FCHSD2: variants seen among roughly 807,000 people sequenced by gnomAD.
FCHSD2 encodes FCH and double SH3 domains 2.
In FCHSD2, 38 loss-of-function variants were observed where a neutral mutation model predicts 108.1. The ratio of observed to expected loss-of-function variants is 0.35; its 90% CI spans 0.27 to 0.46. The LOEUF (loss-of-function observed/expected upper bound fraction) is 0.46, where lower values mean the gene tolerates loss of function less well. FCHSD2 is among the 20% of genes least tolerant of loss of function. The probability of loss-of-function intolerance (pLI) is 1.00; values close to 1 mark genes in which losing one functional copy is unlikely to be tolerated. For missense variants in FCHSD2, 751 were observed against 897.8 expected, an observed-to-expected ratio of 0.84 and a Z score of 2.09; for synonymous variants, 279 against 314.7, an observed-to-expected ratio of 0.89 and a Z score of 1.20.
intron 10 of FCHSD2, among the ~76,000 whole-genome samples, chr11:72,892,184 T>C (rs756819857): frequency 2.0e-5 from 3 of 152,230 alleles, no homozygotes; most frequent in Non-Finnish European, 2.9e-5. Flanking sequence ...TGGCTGCAGA[T>C]GGGCCATAAC....
rs186851236 is a variant in FCHSD2, at chr11:72,847,818, T to C, written c.1443+1937A>G. Among the ~76,000 whole-genome samples the C allele has an allele frequency of 7.0e-4, 105 of 150,468 alleles. 1 individual carries two copies. The highest frequency in any genetic ancestry group is 2.4e-3 in the African/African-American group (99 of 41,040). Reference sequence around the variant, plus strand: ...AGTGATTCTCCTGCCTCAGCCTCCCTAGTAGCTGAGATTACAGGCGCCCGC... The same window carrying C: ...AGTGATTCTCCTGCCTCAGCCTCCCCAGTAGCTGAGATTACAGGCGCCCGC... On this transcript the variant is annotated intron_variant, in intron 14 of 19. Transcript: ENST00000409418.
At chr11:73,115,550 T>C (rs894424484) in intron 2 of FCHSD2, among the ~76,000 whole-genome samples, 1 of 152,150 alleles carries the variant, frequency 6.6e-6, no homozygotes, top group Non-Finnish European at 1.5e-5. Context: ...GGAGGGTGCA[T>C]GCATCAAGGT....
intron 13 of FCHSD2, among the ~76,000 whole-genome samples, chr11:72,861,316 T>TTAAAAGAGAC (rs1221996703): frequency 6.6e-6 from 1 of 151,632 alleles, no homozygotes; most frequent in Non-Finnish European, 1.5e-5. Context: ...AAGAGACAAC[T>TTAAAAGAGAC]TACCAAAGTT....
At chr11:73,036,841 CTG>C (rs1019520679) in intron 3 of FCHSD2, among the ~76,000 whole-genome samples, 7 of 152,138 alleles carry the variant, frequency 4.6e-5, no homozygotes, top group African/African-American at 1.7e-4. Context: ...ATTTTAAAAA[CTG>C]AGTACAATTT....
chr11:73,012,655 A>G (rs1857886959), intron 4 of FCHSD2, among the ~76,000 whole-genome samples: 1 of 152,094 alleles, frequency 6.6e-6, no homozygotes. Flanking sequence ...CAATAGCACC[A>G]CCATCCTCTC....
intron 8 of FCHSD2, among the ~76,000 whole-genome samples, chr11:72,943,458 C>T (rs1856460287): frequency 6.6e-6 from 1 of 152,108 alleles, no homozygotes; most frequent in Admixed American, 6.6e-5. Context: ...AGGAAAAAGA[C>T]AGCACAGAAC....
chr11:72,880,926 C>T (rs1264474999), intron 12 of FCHSD2, among the ~76,000 whole-genome samples: 3 of 149,476 alleles, frequency 2.0e-5, no homozygotes, highest in Non-Finnish European at 3.0e-5. Context: ...CACTATAGAA[C>T]TAGTACAAGA....
chr11:72,871,048 TC>T (rs1158916359), intron 12 of FCHSD2, among the ~76,000 whole-genome samples: 1 of 152,162 alleles, frequency 6.6e-6, no homozygotes, highest in East Asian at 1.9e-4. Context: ...AATAAAAAGT[TC>T]CTATTCTCCA....
rs138979720 is a variant in FCHSD2 at position 73,061,124 on chromosome 11, T to C, written c.165+22571A>G. On this transcript the variant is annotated intron_variant, in intron 3 of 19. Coordinates refer to ENST00000409418, the MANE Select transcript of FCHSD2 (RefSeq NM_014824.3). ...CAACTGAGGTACCTGGTTCATCTCA[T>C]TGGGACTGGTTGGACAGTGGGTGCA... 1.6e-4 allele frequency among the ~76,000 whole-genome samples: 25 copies of C among 152,224 alleles called. No individual in the cohort carries two copies. In the East Asian group the frequency reaches 3.1e-3, roughly 19 times the overall value.
At chr11:73,034,919 TA>T (rs1158649986) in intron 3 of FCHSD2, among the ~76,000 whole-genome samples, 1 of 152,136 alleles carries the variant, frequency 6.6e-6, no homozygotes, top group Non-Finnish European at 1.5e-5. Flanking sequence ...GTAGTACCTT[TA>T]AAAAGGTCAC....
intron 3 of FCHSD2, among the ~76,000 whole-genome samples, chr11:73,054,934 C>G (rs1156938362): frequency 2.0e-5 from 3 of 152,136 alleles, no homozygotes; most frequent in Non-Finnish European, 4.4e-5. Flanking sequence ...TTAGTCCATT[C>G]TCACGCTGCT....
rs911517304 is a variant in FCHSD2 at position 73,082,454 on chromosome 11, T to C, written c.165+1241A>G. ...ACAATAAGCACTCAACAACTACTGA[T>C]TGAACCAATGAATTAATTAGTTCTG... is the stretch of plus-strand genomic sequence containing the variant. On this transcript the variant is annotated intron_variant, in intron 3 of 19. Coordinates refer to ENST00000409418, the MANE Select transcript of FCHSD2 (RefSeq NM_014824.3). 9.2e-5 allele frequency among the ~76,000 whole-genome samples: 14 copies of C among 151,930 alleles called. No homozygotes were observed. In the East Asian group the frequency reaches 1.7e-3, roughly 19 times the overall value.
At chr11:72,937,631 C>G (rs1309233171) in intron 8 of FCHSD2, among the ~76,000 whole-genome samples, 2 of 152,190 alleles carry the variant, frequency 1.3e-5, no homozygotes, top group East Asian at 3.8e-4. Flanking sequence ...GCGTGAGCCA[C>G]CGCGCCTGGC....
chr11:72,925,970 G>A (rs1856067462), intron 8 of FCHSD2, among the ~76,000 whole-genome samples: 1 of 152,216 alleles, frequency 6.6e-6, no homozygotes, highest in African/African-American at 2.4e-5. Flanking sequence ...AAGCCTCCCT[G>A]TGCTCCTGGG....
At chr11:73,088,501 GA>G (rs1295213088) in intron 2 of FCHSD2, among the ~76,000 whole-genome samples, 1 of 151,966 alleles carries the variant, frequency 6.6e-6, no homozygotes, top group East Asian at 1.9e-4. Context: ...AAATAGTAAT[GA>G]AAGTTTTCTC....
chr11:72,935,671 C>A (rs1278115397), intron 8 of FCHSD2, among the ~76,000 whole-genome samples: 1 of 152,138 alleles, frequency 6.6e-6, no homozygotes, highest in Non-Finnish European at 1.5e-5. Context: ...ATTTACATTA[C>A]TGTAAATATC....
intron 2 of FCHSD2, among the ~76,000 whole-genome samples, chr11:73,113,551 T>C (rs1201588929): frequency 1.3e-5 from 2 of 152,018 alleles, no homozygotes; most frequent in Non-Finnish European, 2.9e-5. Flanking sequence ...CTATTTTTAG[T>C]AGAAACGGGG....
chr11:73,111,632 G>C (rs1860488397), intron 2 of FCHSD2, among the ~76,000 whole-genome samples: 1 of 151,724 alleles, frequency 6.6e-6, no homozygotes, highest in Non-Finnish European at 1.5e-5. Context: ...ACTTACTCCT[G>C]TTATTTTATT....
chr11:73,075,238 C>T (rs1216641747), intron 3 of FCHSD2, among the ~76,000 whole-genome samples: 1 of 152,152 alleles, frequency 6.6e-6, no homozygotes, highest in Non-Finnish European at 1.5e-5. Flanking sequence ...CTGAGAAAAC[C>T]ATTTCATGAT....
Sources: gnomAD v4.1 joint callset for allele counts (sites outside exome capture counted in the v4.1 genomes callset) on GRCh38, gnomAD v4.1.1 for gene constraint, MANE v1.5 for transcripts, NCBI Gene and HGNC (gene_info 2026-07-23, HGNC 2026-07-21) for gene names.